FBXL7: variants seen among roughly 807,000 people sequenced by gnomAD.
FBXL7 encodes F-box/LRR-repeat protein 7.
FBXL7 carries 12 observed loss-of-function variants against 38.3 expected under a neutral mutation model. The observed-to-expected ratio is 0.31, with a 90% CI of 0.20 to 0.51. The LOEUF (loss-of-function observed/expected upper bound fraction) is 0.51. Among genes scored for constraint, FBXL7 ranks in the 20% least tolerant of loss-of-function variants. The pLI is 0.98. For synonymous variants in FBXL7, 297 were observed against 300.9 expected (o/e 0.99, Z 0.13); for missense variants, 567 against 676.4 (o/e 0.84, Z 1.79).
At chr5:15,573,414 T>A (rs1002735663) in intron 1 of FBXL7, among the ~76,000 whole-genome samples, 3 of 152,092 alleles carry the variant, frequency 2.0e-5, no homozygotes, top group Non-Finnish European at 1.5e-5. Context: ...CTCAAAAAAA[T>A]AGATTTTTCC....
At chr5:15,781,169 A>G (rs1279474364) in intron 2 of FBXL7, among the ~76,000 whole-genome samples, 2 of 152,196 alleles carry the variant, frequency 1.3e-5, no homozygotes, top group East Asian at 3.8e-4. Flanking sequence ...ATTGGAACTT[A>G]GAGTTTACTT....
intron 2 of FBXL7, among the ~76,000 whole-genome samples, chr5:15,669,471 G>A (rs941579072): frequency 1.3e-5 from 2 of 152,162 alleles, no homozygotes; most frequent in Non-Finnish European, 2.9e-5. Flanking sequence ...AGACACTAGC[G>A]TGGGATGCAG....
In FBXL7 at chr5:15,934,036, GC is replaced by G. The variant is rs371780744; in HGVS notation, c.740-2411del. ...TTTATCTATTTTGAGATCAAGTCTT[GC>G]CCTGTCACCTAGGCTGGAGTGCAGT... On this transcript the variant is annotated intron_variant, in intron 3 of 3. Transcript: ENST00000504595. 3.7e-4 allele frequency among the ~76,000 whole-genome samples: 56 copies of G among 152,202 alleles called. No individual in the cohort carries two copies. In the South Asian group the frequency reaches 5.4e-3, roughly 15 times the overall value.
rs1171767993 is a variant in FBXL7, at chr5:15,872,191, AG to A, written c.128-55698del. Among the ~76,000 whole-genome samples the A allele has an allele frequency of 3.3e-5, 5 of 152,322 alleles. No individual in the cohort carries two copies. The South Asian group carries it at 6.2e-4, about 19-fold the overall frequency. ...TCATATCCAGCCAAACAGCTTCATA[AG>A]CAAAGGAGAAATAAAATCCTTTCCA... is the stretch of plus-strand genomic sequence containing the variant. On this transcript the variant is annotated intron_variant, in intron 2 of 3. Coordinates refer to ENST00000504595, the MANE Select transcript of FBXL7 (RefSeq NM_012304.5).
rs554274904 is a variant in FBXL7, at chr5:15,757,163, C to T, written c.127+141091C>T. ...AATAGCTGCCTTGTCATTTCAAGTT[C>T]TGTGTCTTACTCCTATTTCACAATC... On this transcript the variant is annotated intron_variant, in intron 2 of 3. Coordinates refer to ENST00000504595, the MANE Select transcript of FBXL7 (RefSeq NM_012304.5). Among the ~76,000 whole-genome samples, 14 of 152,196 alleles carry T rather than the reference C, an allele frequency of 9.2e-5. No individual in the cohort carries two copies. The South Asian group carries it at 2.7e-3, about 29-fold the overall frequency.
chr5:15,854,126 C>T (rs545149360), intron 2 of FBXL7, among the ~76,000 whole-genome samples: 4 of 152,240 alleles, frequency 2.6e-5, no homozygotes, highest in African/African-American at 7.2e-5. Context: ...TACCAGAATA[C>T]TCAGCAGAAA....
At chr5:15,892,440 G>T (rs1442000891) in intron 2 of FBXL7, among the ~76,000 whole-genome samples, 1 of 152,174 alleles carries the variant, frequency 6.6e-6, no homozygotes, top group Non-Finnish European at 1.5e-5. Flanking sequence ...ATCCTCAGGG[G>T]TCTACAACGG....
chr5:15,810,479 T>G (rs933164671), intron 2 of FBXL7, among the ~76,000 whole-genome samples: 1 of 151,460 alleles, frequency 6.6e-6, no homozygotes, highest in Non-Finnish European at 1.5e-5. Flanking sequence ...GAGAATCACT[T>G]GAACCCAGGA....
chr5:15,764,039 A>G (rs1736522086), intron 2 of FBXL7, among the ~76,000 whole-genome samples: 1 of 152,234 alleles, frequency 6.6e-6, no homozygotes, highest in South Asian at 2.1e-4. Flanking sequence ...TGAAGGCTCT[A>G]CAGTTTGGAG....
At chr5:15,917,644 GGGAAGGAA>G (rs57231456) in intron 2 of FBXL7, among the ~76,000 whole-genome samples, 2,322 of 90,896 alleles carry the variant, frequency 0.026, 76 homozygotes, top group African/African-American at 0.082. Context: ...AAGGAAGGGA[GGGAAGGAA>G]GGAAGGAAGG....
intron 2 of FBXL7, among the ~76,000 whole-genome samples, chr5:15,887,899 G>A (rs779730883): frequency 7.9e-5 from 12 of 152,122 alleles, no homozygotes; most frequent in African/African-American, 2.2e-4. Flanking sequence ...TCTTTGCTCC[G>A]CCAGTAGCTT....
At chr5:15,666,925 C>T (rs1561076977) in intron 2 of FBXL7, among the ~76,000 whole-genome samples, 1 of 152,142 alleles carries the variant, frequency 6.6e-6, no homozygotes, top group African/African-American at 2.4e-5. Flanking sequence ...CTTAGTTGAT[C>T]AATTATTAGT....
At chr5:15,734,870 C>T (rs1355182713) in intron 2 of FBXL7, among the ~76,000 whole-genome samples, 2 of 152,282 alleles carry the variant, frequency 1.3e-5, no homozygotes, top group East Asian at 1.9e-4. Context: ...GTAAAGTTAG[C>T]GCCATCATGG....
chr5:15,811,411 T>G (rs1316055929), intron 2 of FBXL7, among the ~76,000 whole-genome samples: 1 of 152,190 alleles, frequency 6.6e-6, no homozygotes, highest in East Asian at 1.9e-4. Flanking sequence ...TTTGATGTGC[T>G]CTTCTCTGTG....
At chr5:15,589,262 T>C (rs1256944757) in intron 1 of FBXL7, among the ~76,000 whole-genome samples, 2 of 152,272 alleles carry the variant, frequency 1.3e-5, no homozygotes, top group African/African-American at 2.4e-5. Context: ...CGCCCAAATC[T>C]CATGTTGATT....
Position 15,919,221 on chromosome 5 carries a change from G to A in FBXL7, c.128-8669G>A, listed in dbSNP as rs190548490. Among the ~76,000 whole-genome samples, 649 of 152,250 alleles carry A rather than the reference G, an allele frequency of 4.3e-3. 1 individual carries two copies. Among genetic ancestry groups the A allele is most frequent in the Middle Eastern group, 6.8e-3 (2 of 294 alleles). On this transcript the variant is annotated intron_variant, in intron 2 of 3. Coordinates refer to ENST00000504595, the MANE Select transcript of FBXL7 (RefSeq NM_012304.5). The stretch of plus-strand genomic sequence containing the variant: ...GCTTTGTAAATTTTGACTTTGAAAG[G>A]CCATTGTAATGTAAATATGACTTCC...
intron 2 of FBXL7, among the ~76,000 whole-genome samples, chr5:15,643,289 A>C (rs1741425405): frequency 6.6e-6 from 1 of 152,212 alleles, no homozygotes; most frequent in African/African-American, 2.4e-5. Context: ...AACAGGCTAA[A>C]TCCTAGCTAG....
chr5:15,920,934 T>A (rs1042421393), intron 2 of FBXL7, among the ~76,000 whole-genome samples: 3 of 152,190 alleles, frequency 2.0e-5, no homozygotes, highest in Non-Finnish European at 2.9e-5. Context: ...AAAATATACA[T>A]CCTATTGCAA....
At chr5:15,697,086 A>C (rs1196080020) in intron 2 of FBXL7, among the ~76,000 whole-genome samples, 2 of 152,144 alleles carry the variant, frequency 1.3e-5, no homozygotes, top group African/African-American at 4.8e-5. Context: ...GTAACCTAAC[A>C]CCAAATAGAT....
Sources: allele counts gnomAD v4.1 joint callset (sites outside exome capture counted in the v4.1 genomes callset), GRCh38; gene constraint gnomAD v4.1.1; transcripts MANE v1.5; gene names NCBI Gene and HGNC (gene_info 2026-07-23, HGNC 2026-07-21).